TFIP11: variants seen among roughly 807,000 people sequenced by gnomAD.
TFIP11 encodes the protein tuftelin-interacting protein 11.
TFIP11 carries 86 observed loss-of-function variants against 96.8 expected under a neutral mutation model. The observed-to-expected ratio is 0.89, with a 90% CI of 0.75 to 1.06. The LOEUF (loss-of-function observed/expected upper bound fraction) is 1.06. TFIP11 is among the 50% of genes least tolerant of loss of function. TFIP11 has a pLI of 0.00. For synonymous variants in TFIP11, 405 were observed against 395.2 expected, an observed-to-expected ratio of 1.02 and a Z score of -0.29; for missense variants, 881 against 1,076.7, an observed-to-expected ratio of 0.82 and a Z score of 2.54.
chr22:26,496,552 G>A (rs757318571), intron 11 of TFIP11, among the ~76,000 whole-genome samples, 169 bp downstream of exon 11: 1 of 152,102 alleles, frequency 6.6e-6, no homozygotes, highest in Non-Finnish European at 1.5e-5. Flanking sequence ...GGGTGGCTTG[G>A]GGGAAAAAGT....
At position 26,492,481 on chromosome 22, in the gene TFIP11, G is replaced by C. The variant is rs114418963; in HGVS notation, c.2159-113C>G. ...GCCAGAGTGCTTGTGACTCACTGAA[G>C]GGCAGCTCTGCCTCAAAGATACAAC... On this transcript the variant is annotated intron_variant, in intron 14 of 14. Transcript: ENST00000407690. 2.3e-3 allele frequency: 2,052 copies of C among 906,566 alleles called. 28 individuals are homozygous for C. The African/African-American group carries it at 0.028, about 12-fold the overall frequency. The allele number at this position is 906,566 out of a possible 1,614,324, so 56.2% of individuals were successfully genotyped here. A position where few individuals can be genotyped will look rare whatever the true frequency, so the allele number is the denominator to read the frequency against.
intron 12 of TFIP11, 134 bp from the exon 13 acceptor site, chr22:26,495,073 T>C: frequency 8.4e-7 from 1 of 1,186,054 alleles, no homozygotes. Flanking sequence ...GTGACTCTTG[T>C]GCCTCAGCCT....
At position 26,499,452 on chromosome 22, in the gene TFIP11, G is replaced by C; in HGVS notation, c.981C>G (p.Leu327=). The C allele has an allele frequency of 3.1e-6, 5 of 1,614,176 alleles. No individual in the cohort carries two copies. Among genetic ancestry groups the C allele is most frequent in the Non-Finnish European group, 4.2e-6 (5 of 1,180,046 alleles). ...TGATCTCCTGCTCCGTGAGGTCGATGAGCAGCTGCAGGTTGTGCTCCAGCT... is the reference window on the plus strand; with the variant it reads ...TGATCTCCTGCTCCGTGAGGTCGATCAGCAGCTGCAGGTTGTGCTCCAGCT... ...LPELEHNLQL[L]IDLTEQEIIQ... Residue 327 remains leucine (L), a synonymous_variant, in exon 9 of 15, where the codon CTC becomes CTG. Transcript: ENST00000407690.
intron 11 of TFIP11, 104 bp downstream of exon 11, chr22:26,496,617 C>G: frequency 7.2e-7 from 1 of 1,397,916 alleles, no homozygotes; most frequent in Non-Finnish European, 9.8e-7. Flanking sequence ...TTGACAAATT[C>G]CGTTAATTCC....
intron 7 of TFIP11, among the ~76,000 whole-genome samples, chr22:26,502,750 A>G (rs1032080989): frequency 6.6e-6 from 1 of 152,212 alleles, no homozygotes; most frequent in African/African-American, 2.4e-5. Context: ...GGATCAGGCA[A>G]TACTGAGCCC....
At chr22:26,498,723 C>A in intron 10 of TFIP11, 146 bp downstream of exon 10, 4 of 658,378 alleles carry the variant, frequency 6.1e-6, no homozygotes, top group Non-Finnish European at 8.0e-6. Context: ...AATTCATAGC[C>A]AAATGAATTT....
At chr22:26,508,012 G>A (rs953951932) in intron 4 of TFIP11, among the ~76,000 whole-genome samples, 6 of 152,082 alleles carry the variant, frequency 3.9e-5, no homozygotes, top group East Asian at 1.9e-4. Flanking sequence ...GGAGGCTGAC[G>A]CATGAGAAAC....
At chr22:26,501,857 C>A in intron 8 of TFIP11, 43 bp downstream of exon 8, 3 of 1,319,892 alleles carry the variant, frequency 2.3e-6, no homozygotes, top group Non-Finnish European at 2.0e-6. Flanking sequence ...GTGATTATTT[C>A]TGGGGTGTGG....
chr22:26,494,315 G>GA lies in TFIP11; in HGVS notation c.1993-12dup. On this transcript the variant is annotated splice_polypyrimidine_tract_variant and intron_variant, in intron 13 of 14. Transcript: ENST00000407690. ...CCAAGAGCACAGCACCTGCCAAAAA[G>GA]AAAAATTACTTGCATCCATCGTGGC... 6.2e-7 allele frequency: 1 copy of GA among 1,614,190 alleles called. No homozygotes were observed. Among genetic ancestry groups the GA allele is most frequent in the Non-Finnish European group, 8.5e-7 (1 of 1,180,032 alleles).
chr22:26,499,658 T>A, intron 8 of TFIP11, 27 bp from the exon 9 acceptor site: 1 of 1,581,750 alleles, frequency 6.3e-7, no homozygotes, highest in South Asian at 1.2e-5. Flanking sequence ...GGATGAAGGT[T>A]AACACCGCTG....
chr22:26,498,962 C>T lies in TFIP11; in HGVS notation c.1343G>A (p.Gly448Asp). 6.2e-7 allele frequency: 1 copy of T among 1,613,684 alleles called. No homozygotes were observed. The highest frequency in any genetic ancestry group is 8.5e-7 in the Non-Finnish European group (1 of 1,179,934). ...TTTCCACTTAGAGATGATCTCGGTG[C>T]CATAAGTGCAGTCCTGAGGAGAAAG... ...EWDPLKDCTY[G>D]TEIISKWKSL... The change falls in exon 10 of 15, where the codon GGC (glycine) becomes GAC (aspartate). Residue 448 changes from glycine to aspartate, a missense_variant. By Grantham distance (94) the Gly-to-Asp change is moderately conservative (BLOSUM62 -1). Transcript: ENST00000407690.
At chr22:26,502,117 C>T (rs1200683059) in intron 7 of TFIP11, 65 bp from the exon 8 acceptor site, 1 of 1,597,538 alleles carries the variant, frequency 6.3e-7, no homozygotes, top group South Asian at 1.1e-5. Flanking sequence ...GGTGAGGTAG[C>T]TGAGACCATT....
In TFIP11 at chr22:26,499,636, G is replaced by C; in HGVS notation, c.802-5C>G. 3 of 1,602,388 alleles carry C rather than the reference G, an allele frequency of 1.9e-6. No homozygotes were observed. The highest frequency in any genetic ancestry group is 2.6e-6 in the Non-Finnish European group (3 of 1,174,116). ...CCGGCCTGTCATGTCTATGACCTTG[G>C]AAAACATAGAGGGATGAAGGTTAAC... On this transcript the variant is annotated splice_region_variant and splice_polypyrimidine_tract_variant and intron_variant, in intron 8 of 14. Coordinates refer to ENST00000407690, the MANE Select transcript of TFIP11 (RefSeq NM_012143.4).
At chr22:26,506,955 C>A (rs779327258) in intron 4 of TFIP11, 27 bp from the exon 5 acceptor site, 46 of 1,610,424 alleles carry the variant, frequency 2.9e-5, no homozygotes, top group Admixed American at 1.2e-4. Context: ...AAAGCCCCAC[C>A]AGGTCGGTAA....
At position 26,496,555 on chromosome 22, in the gene TFIP11, G is replaced by C. The variant is rs916732755; in HGVS notation, c.1605+166C>G. Among the ~76,000 whole-genome samples, 7 of 152,176 alleles carry C rather than the reference G, an allele frequency of 4.6e-5. No homozygotes were observed. In the South Asian group the frequency reaches 1.0e-3, roughly 23 times the overall value. ...ATTCCCTCCTGAGGGTGGCTTGGGG[G>C]AAAAAGTGCTGAGAAAAAGGCTGGA... On this transcript the variant is annotated intron_variant, in intron 11 of 14. Coordinates refer to ENST00000407690, the MANE Select transcript of TFIP11 (RefSeq NM_012143.4).
At chr22:26,501,824 CA>C in intron 8 of TFIP11, 75 bp downstream of exon 8, 1 of 827,794 alleles carries the variant, frequency 1.2e-6, no homozygotes, top group South Asian at 2.6e-5. Context: ...CTAAAAGATC[CA>C]AAAAACCCTC....
chr22:26,501,310 A>C (rs1469933891), intron 8 of TFIP11, among the ~76,000 whole-genome samples: 1 of 152,184 alleles, frequency 6.6e-6, no homozygotes, highest in Non-Finnish European at 1.5e-5. Context: ...CTGGTCAGAG[A>C]GAGTTAATAC....
intron 10 of TFIP11, among the ~76,000 whole-genome samples, chr22:26,497,136 T>A (rs956473549): frequency 6.6e-6 from 1 of 152,172 alleles, no homozygotes; most frequent in African/African-American, 2.4e-5. Context: ...CAGAGCTGCT[T>A]TAGGGTCACA....
In TFIP11 at chr22:26,501,973, AC is replaced by A; in HGVS notation, c.727del (p.Val243TrpfsTer4). ...CCTGCCCTTGGCCTTCAACTCTTCC[AC>A]GGTCTTGTAAGAGTATTTGGGCTTC... is the stretch of plus-strand genomic sequence containing the variant. ...KKKPKYSYKTVEELKAKGRIS... is the reference protein window; with the variant it reads ...KKKPKYSYKTXEELKAKGRIS... On this transcript the variant is annotated frameshift_variant, in exon 8 of 15. Coordinates refer to ENST00000407690, the MANE Select transcript of TFIP11 (RefSeq NM_012143.4). LOFTEE classifies it high-confidence loss of function. The A allele has an allele frequency of 1.9e-6, 3 of 1,613,766 alleles. No homozygotes were observed. In the East Asian group the frequency reaches 6.7e-5, roughly 36 times the overall value.
Sources: allele counts gnomAD v4.1 joint callset (sites outside exome capture counted in the v4.1 genomes callset), GRCh38; gene constraint gnomAD v4.1.1; transcripts MANE v1.5; gene names NCBI Gene and HGNC (gene_info 2026-07-23, HGNC 2026-07-21).